The following RPTOR variants were observed in gnomAD, a reference collection of about 807,000 sequenced individuals.
RPTOR encodes regulatory-associated protein of mTOR.
Under a neutral mutation model 169.9 loss-of-function variants are expected in RPTOR, and 21 were observed. That is an observed-to-expected ratio of 0.12 (90% CI 0.09 to 0.18). The LOEUF (loss-of-function observed/expected upper bound fraction) is 0.18. RPTOR is among the 10% of genes least tolerant of loss of function. The probability of loss-of-function intolerance (pLI) is 1.00; values close to 1 mark genes in which losing one functional copy is unlikely to be tolerated. For synonymous variants in RPTOR, 732 were observed against 753.2 expected, an observed-to-expected ratio of 0.97 and a Z score of 0.46; for missense variants, 1,133 against 1,855.9, an observed-to-expected ratio of 0.61 and a Z score of 7.16.
At chr17:80,907,250 C>T (rs1407499774) in intron 20 of RPTOR, among the ~76,000 whole-genome samples, 1 of 152,274 alleles carries the variant, frequency 6.6e-6, no homozygotes, top group Non-Finnish European at 1.5e-5. Context: ...TGAACAAGCA[C>T]TTGCTTCTCA....
At chr17:80,961,553 T>C in intron 31 of RPTOR, 73 bp downstream of exon 31, 7 of 1,457,936 alleles carry the variant, frequency 4.8e-6, no homozygotes, top group African/African-American at 1.4e-5. Context: ...AAATACGTCC[T>C]TGGTATTTAA....
chr17:80,644,561 G>A (rs2065579101), intron 3 of RPTOR, among the ~76,000 whole-genome samples: 1 of 152,058 alleles, frequency 6.6e-6, no homozygotes, highest in Non-Finnish European at 1.5e-5. Context: ...GTTACCTAAA[G>A]GAAATAATGA....
At chr17:80,795,997 C>T (rs187236292) in intron 7 of RPTOR, among the ~76,000 whole-genome samples, 2 of 152,204 alleles carry the variant, frequency 1.3e-5, no homozygotes, top group Non-Finnish European at 2.9e-5. Flanking sequence ...GCTGAGGCAC[C>T]TACGACTCCC....
chr17:80,884,834 C>T (rs1359898734), intron 16 of RPTOR, among the ~76,000 whole-genome samples, 174 bp from the exon 17 acceptor site: 1 of 152,208 alleles, frequency 6.6e-6, no homozygotes, highest in Non-Finnish European at 1.5e-5. Context: ...CCCTGCTGCT[C>T]CCCACCTCCT....
intron 21 of RPTOR, among the ~76,000 whole-genome samples, chr17:80,920,732 G>T (rs1299047013): frequency 6.6e-6 from 1 of 152,272 alleles, no homozygotes; most frequent in Non-Finnish European, 1.5e-5. Context: ...CTGAGCATGT[G>T]TGGGTTTTGC....
At chr17:80,617,892 A>G (rs1765378918) in intron 1 of RPTOR, among the ~76,000 whole-genome samples, 1 of 152,208 alleles carries the variant, frequency 6.6e-6, no homozygotes, top group Admixed American at 6.5e-5. Context: ...CACCCGCACC[A>G]GGGCTGACCA....
At chr17:80,832,765 AGT>A (rs1411444408) in intron 9 of RPTOR, among the ~76,000 whole-genome samples, 1 of 152,174 alleles carries the variant, frequency 6.6e-6, no homozygotes, top group Non-Finnish European at 1.5e-5. Context: ...AATAGACCAA[AGT>A]GTGTACATCC....
intron 1 of RPTOR, among the ~76,000 whole-genome samples, chr17:80,576,034 C>G (rs2064960532): frequency 6.6e-6 from 1 of 152,164 alleles, no homozygotes; most frequent in Non-Finnish European, 1.5e-5. Flanking sequence ...CACCAGTTTT[C>G]TCTTGGTTAG....
chr17:80,679,345 C>T (rs1024559922), intron 3 of RPTOR, among the ~76,000 whole-genome samples: 2 of 152,192 alleles, frequency 1.3e-5, no homozygotes, highest in African/African-American at 4.8e-5. Flanking sequence ...GGAGGGCAGT[C>T]GGCTGGCTCA....
chr17:80,686,107 C>T (rs1226332316), intron 3 of RPTOR, among the ~76,000 whole-genome samples: 1 of 151,844 alleles, frequency 6.6e-6, no homozygotes, highest in East Asian at 1.9e-4. Context: ...GTTTATAGAG[C>T]ACTGGTCACT....
At chr17:80,801,213 T>C (rs1185968477) in intron 7 of RPTOR, among the ~76,000 whole-genome samples, 2 of 152,170 alleles carry the variant, frequency 1.3e-5, no homozygotes, top group Non-Finnish European at 2.9e-5. Flanking sequence ...ATAGTGACCG[T>C]AGGAAGCATT....
At chr17:80,552,922 C>T (rs2084362967) in intron 1 of RPTOR, among the ~76,000 whole-genome samples, 1 of 152,230 alleles carries the variant, frequency 6.6e-6, no homozygotes. Flanking sequence ...ATTCAGCAGA[C>T]AGAGAAGGAT....
At position 80,554,772 on chromosome 17, in the gene RPTOR, C is replaced by CAAAACA. The variant is rs766303269; in HGVS notation, c.162+8983_162+8984insAACAAA. ...ACAAAACAAAACAAAACAAAACAAA[C>CAAAACA]AACAACAACAACAAAAAAAATGAGA... is the stretch of plus-strand genomic sequence containing the variant. On this transcript the variant is annotated intron_variant, in intron 1 of 33. Coordinates refer to ENST00000306801, the MANE Select transcript of RPTOR (RefSeq NM_020761.3). Among the ~76,000 whole-genome samples the CAAAACA allele has an allele frequency of 6.8e-4, 66 of 97,348 alleles. No individual in the cohort carries two copies. The South Asian group carries it at 0.021, about 31-fold the overall frequency. The allele number at this position is 97,348 out of a possible 152,430, so 63.9% of individuals were successfully genotyped here. A position where few individuals can be genotyped will look rare whatever the true frequency, so the allele number is the denominator to read the frequency against.
At chr17:80,870,575 C>T (rs2068041275) in intron 13 of RPTOR, among the ~76,000 whole-genome samples, 1 of 152,210 alleles carries the variant, frequency 6.6e-6, no homozygotes, top group African/African-American at 2.4e-5. Context: ...CTCTGTCATC[C>T]AGCGATGACT....
chr17:80,760,517 G>T (rs905029505), intron 6 of RPTOR, among the ~76,000 whole-genome samples: 1 of 151,972 alleles, frequency 6.6e-6, no homozygotes, highest in African/African-American at 2.4e-5. Context: ...GGCCAGGCTG[G>T]CATCAAACTC....
chr17:80,843,558 G>A (rs2067693887), intron 10 of RPTOR, among the ~76,000 whole-genome samples: 1 of 152,090 alleles, frequency 6.6e-6, no homozygotes, highest in Admixed American at 6.5e-5. Flanking sequence ...AGCCGTACAG[G>A]GGGATAGAAT....
chr17:80,931,483 G>A (rs964893807), intron 24 of RPTOR, among the ~76,000 whole-genome samples: 5 of 152,190 alleles, frequency 3.3e-5, no homozygotes, highest in Non-Finnish European at 5.9e-5. Context: ...CGTCCACTGG[G>A]CCCTCACCCA....
intron 13 of RPTOR, 146 bp downstream of exon 13, chr17:80,858,046 G>A: frequency 1.5e-6 from 1 of 685,072 alleles, no homozygotes; most frequent in South Asian, 1.7e-5. Flanking sequence ...CTGGGGTAAA[G>A]TGGGACGCGC....
At chr17:80,587,188 G>T (rs759445825) in intron 1 of RPTOR, among the ~76,000 whole-genome samples, 12 of 152,254 alleles carry the variant, frequency 7.9e-5, no homozygotes, top group Non-Finnish European at 1.5e-4. Flanking sequence ...TGGTTGTGCA[G>T]CATGCACTCG....
Sources: gnomAD v4.1 joint callset for allele counts (sites outside exome capture counted in the v4.1 genomes callset) on GRCh38, gnomAD v4.1.1 for gene constraint, MANE v1.5 for transcripts, NCBI Gene and HGNC (gene_info 2026-07-23, HGNC 2026-07-21) for gene names.